Variants in CFAP61 observed in about 807,000 individuals in gnomAD.
CFAP61 encodes cilia and flagella associated protein 61.
Under a neutral mutation model 135.6 loss-of-function variants are expected in CFAP61, and 107 were observed. The observed-to-expected ratio is 0.79, with a 90% confidence interval of 0.67 to 0.93. CFAP61 has a LOEUF of 0.93. CFAP61 is among the 40% of genes least tolerant of loss of function. The probability of loss-of-function intolerance (pLI) is 0.00; values close to 1 mark genes in which losing one functional copy is unlikely to be tolerated. For missense variants in CFAP61, 1,507 were observed against 1,556.2 expected, an observed-to-expected ratio of 0.97 and a Z score of 0.53; for synonymous variants, 575 against 578.5, an observed-to-expected ratio of 0.99 and a Z score of 0.09.
intron 25 of CFAP61, among the ~76,000 whole-genome samples, chr20:20,330,331 G>GT (rs2057934353): frequency 2.6e-5 from 4 of 151,872 alleles, no homozygotes; most frequent in East Asian, 1.9e-4. Context: ...CAGACTAGCC[G>GT]TTTTTTGTTT....
chr20:20,165,267 T>C (rs1339149050), intron 11 of CFAP61, among the ~76,000 whole-genome samples: 4 of 152,202 alleles, frequency 2.6e-5, no homozygotes, highest in Non-Finnish European at 5.9e-5. Flanking sequence ...CTGACAGGAC[T>C]GTGTGTTCAT....
At chr20:20,179,761 G>A (rs2054909575) in intron 13 of CFAP61, among the ~76,000 whole-genome samples, 1 of 152,136 alleles carries the variant, frequency 6.6e-6, no homozygotes, top group Non-Finnish European at 1.5e-5. Context: ...CAGCAGACCT[G>A]ATAAAGCAGT....
chr20:20,148,389 G>A (rs570109583), intron 9 of CFAP61, among the ~76,000 whole-genome samples: 17 of 26,678 alleles, frequency 6.4e-4, no homozygotes, highest in African/African-American at 2.8e-3. Flanking sequence ...CATGAGCATG[G>A]GATGTATTTC....
intron 26 of CFAP61, among the ~76,000 whole-genome samples, chr20:20,347,672 C>T (rs1315890383): frequency 1.3e-5 from 2 of 152,222 alleles, no homozygotes; most frequent in South Asian, 2.1e-4. Context: ...CAGTGGCTCA[C>T]GCCTGTAATC....
At chr20:20,154,389 C>T (rs950789877) in intron 9 of CFAP61, among the ~76,000 whole-genome samples, 3 of 151,994 alleles carry the variant, frequency 2.0e-5, no homozygotes, top group South Asian at 2.1e-4. Context: ...CAAAAGCCAT[C>T]CAAATTGATA....
intron 8 of CFAP61, among the ~76,000 whole-genome samples, chr20:20,104,236 A>G (rs1569710): frequency 0.46 from 70,022 of 151,962 alleles, 16,303 homozygotes; most frequent in South Asian, 0.55. Flanking sequence ...AAAACATCGC[A>G]ATATTGCCTT....
At chr20:20,097,113 T>G (rs1404271245) in intron 7 of CFAP61, among the ~76,000 whole-genome samples, 7 of 129,842 alleles carry the variant, frequency 5.4e-5, no homozygotes, top group African/African-American at 2.0e-4. Context: ...TTTTTTTTTT[T>G]GGTGTCATTT....
intron 6 of CFAP61, among the ~76,000 whole-genome samples, chr20:20,088,963 T>A (rs1230944401): frequency 6.6e-6 from 1 of 152,048 alleles, no homozygotes; most frequent in Non-Finnish European, 1.5e-5. Flanking sequence ...CATGCGGTCA[T>A]TCAGTTTAAA....
intron 8 of CFAP61, among the ~76,000 whole-genome samples, chr20:20,137,024 G>A (rs538412291): frequency 6.6e-6 from 1 of 152,304 alleles, no homozygotes; most frequent in Admixed American, 6.5e-5. Flanking sequence ...TGCCACCTTG[G>A]TGGTCTTGGA....
At chr20:20,130,555 A>T (rs956562220) in intron 8 of CFAP61, among the ~76,000 whole-genome samples, 1 of 151,666 alleles carries the variant, frequency 6.6e-6, no homozygotes, top group African/African-American at 2.4e-5. Flanking sequence ...TTGCTTATAG[A>T]TTCTGTGTAA....
At chr20:20,253,478 C>A (rs1601634694) in intron 20 of CFAP61, 2 of 322,264 alleles carry the variant, frequency 6.2e-6, no homozygotes. Context: ...AGTCTGGCCA[C>A]ACATCTTGGG....
intron 20 of CFAP61, among the ~76,000 whole-genome samples, chr20:20,256,065 C>A (rs2051532884): frequency 6.6e-6 from 1 of 152,186 alleles, no homozygotes; most frequent in South Asian, 2.1e-4. Context: ...TGATCCCAGC[C>A]CTTCAGCCAG....
intron 21 of CFAP61, chr20:20,267,929 C>G (rs1427603912): frequency 6.6e-6 from 1 of 152,188 alleles, no homozygotes; most frequent in African/African-American, 2.4e-5. Context: ...CTAGGGACTC[C>G]CTCCCACCTG....
intron 1 of CFAP61, 40 bp from the exon 2 acceptor site, chr20:20,056,578 T>A (rs1509573): frequency 7.2e-7 from 1 of 1,380,388 alleles, no homozygotes; most frequent in Non-Finnish European, 1.0e-6. Context: ...CAGTTTTGTG[T>A]GTATTATAAC....
Position 20,288,846 on chromosome 20 carries a change from C to T in CFAP61, c.3034C>T (p.His1012Tyr). 2 of 1,614,188 alleles carry T rather than the reference C, an allele frequency of 1.2e-6. No homozygotes were observed. The highest frequency in any genetic ancestry group is 1.7e-6 in the Non-Finnish European group (2 of 1,180,012). ...CTTTCAGCTGGCAGCAGCTATGCTA[C>T]ATCTCTTTGATCCAACCCTTGAGCC... The part of the protein sequence containing the change: ...IGFQLAAAML[H>Y]LFDPTLEPVT... Residue 1012 changes from histidine to tyrosine, a missense_variant, in exon 23 of 27, where the codon CAT becomes TAT. Transcript: ENST00000245957.
chr20:20,299,779 C>T (rs561083427), intron 25 of CFAP61, among the ~76,000 whole-genome samples: 3 of 152,300 alleles, frequency 2.0e-5, no homozygotes, highest in African/African-American at 7.2e-5. Flanking sequence ...ATGATTCAGT[C>T]ATGGCTTTTC....
chr20:20,329,056 A>C (rs1435844003), intron 25 of CFAP61, among the ~76,000 whole-genome samples: 1 of 152,116 alleles, frequency 6.6e-6, no homozygotes, highest in Non-Finnish European at 1.5e-5. Flanking sequence ...GCTGGTAGGA[A>C]TCAACCTTTT....
At chr20:20,111,337 C>T (rs140061826) in intron 8 of CFAP61, among the ~76,000 whole-genome samples, 28 of 152,208 alleles carry the variant, frequency 1.8e-4, no homozygotes, top group African/African-American at 5.3e-4. Flanking sequence ...CCGGATTTCA[C>T]CTATAATGCC....
chr20:20,125,476 C>G lies in CFAP61; in HGVS notation c.860-17381C>G, dbSNP rs116138982. ...TTCCGTCTTGATTTCATTTTTGATG[C>G]AATGCTCATTCAGGAGCAGTTTATT... On this transcript the variant is annotated intron_variant, in intron 8 of 26. Transcript: ENST00000245957. Among the ~76,000 whole-genome samples, 161 of 151,830 alleles carry G rather than the reference C, an allele frequency of 1.1e-3. 8 individuals carry two copies. Among genetic ancestry groups the G allele is most frequent in the African/African-American group, 3.7e-3 (154 of 41,180 alleles).
Sources: gnomAD v4.1 joint callset for allele counts (sites outside exome capture counted in the v4.1 genomes callset) on GRCh38, gnomAD v4.1.1 for gene constraint, MANE v1.5 for transcripts, NCBI Gene and HGNC (gene_info 2026-07-23, HGNC 2026-07-21) for gene names.